GALNT13: variants seen among roughly 807,000 people sequenced by gnomAD.
The protein encoded by GALNT13 is polypeptide N-acetylgalactosaminyltransferase 13.
In GALNT13, 28 loss-of-function variants were observed where a neutral mutation model predicts 64.2. The observed-to-expected ratio is 0.44, with a 90% CI of 0.32 to 0.60. The LOEUF (loss-of-function observed/expected upper bound fraction) is 0.60, where lower values mean the gene tolerates loss of function less well. GALNT13 is among the 20% of genes least tolerant of loss of function. The pLI is 0.05. For synonymous variants in GALNT13, 214 were observed against 224.6 expected (o/e 0.95, Z 0.42); for missense variants, 577 against 669.8 (o/e 0.86, Z 1.53).
At chr2:153,119,231 A>G in the GALNT13 span, among the ~76,000 whole-genome samples, 1 of 152,108 alleles carries the variant, frequency 6.6e-6, no homozygotes, top group East Asian at 1.9e-4. Flanking sequence ...ATGAACTAAT[A>G]CATAAGTGCA....
chr2:153,710,494 T>G, the GALNT13 span, among the ~76,000 whole-genome samples: 1 of 152,130 alleles, frequency 6.6e-6, no homozygotes, highest in African/African-American at 2.4e-5. Context: ...CAGAAGTTCT[T>G]GAACCACATG....
At chr2:153,462,130 A>G in the GALNT13 span, among the ~76,000 whole-genome samples, 51 of 151,902 alleles carry the variant, frequency 3.4e-4, 1 homozygote, top group Admixed American at 3.2e-3. Context: ...AGAAGCTTGT[A>G]TGTTACAGTG....
At chr2:153,635,441 C>CATATATATATGTATATATATATAT in the GALNT13 span, among the ~76,000 whole-genome samples, 3,890 of 126,742 alleles carry the variant, frequency 0.031, 142 homozygotes, top group Non-Finnish European at 0.043. Flanking sequence ...TATATATATA[C>CATATATATATGTATATATATATAT]ACACATATAT....
intron 3 of GALNT13, among the ~76,000 whole-genome samples, chr2:154,002,253 T>C (rs558217850): frequency 1.5e-4 from 23 of 152,254 alleles, no homozygotes; most frequent in African/African-American, 5.5e-4. Context: ...TCTTAAATAA[T>C]CTTTCTAGGC....
intron 7 of GALNT13, among the ~76,000 whole-genome samples, chr2:154,253,282 G>A (rs977942750): frequency 2.6e-5 from 4 of 151,968 alleles, no homozygotes; most frequent in Admixed American, 2.6e-4. Flanking sequence ...CTCTATACAG[G>A]GTGATTATCA....
chr2:153,887,686 T>A (rs1687281148), intron 1 of GALNT13, among the ~76,000 whole-genome samples: 1 of 151,970 alleles, frequency 6.6e-6, no homozygotes, highest in Non-Finnish European at 1.5e-5. Flanking sequence ...ATTTGGGAAT[T>A]TCCAACATCA....
At chr2:153,371,766 C>G in the GALNT13 span, among the ~76,000 whole-genome samples, 4 of 152,120 alleles carry the variant, frequency 2.6e-5, no homozygotes, top group African/African-American at 9.7e-5. Context: ...AATCAAAATT[C>G]TAGCTGGGTT....
At chr2:154,168,557 G>A (rs753530344) in intron 4 of GALNT13, among the ~76,000 whole-genome samples, 7 of 151,778 alleles carry the variant, frequency 4.6e-5, no homozygotes, top group African/African-American at 7.3e-5. Flanking sequence ...AGATTTGGCC[G>A]GGTGTAGTGG....
chr2:153,431,477 C>T, the GALNT13 span, among the ~76,000 whole-genome samples: 1 of 152,146 alleles, frequency 6.6e-6, no homozygotes, highest in Non-Finnish European at 1.5e-5. Flanking sequence ...ATACACTTGG[C>T]TTGATTTAAA....
chr2:154,159,638 G>A (rs1273516159), intron 4 of GALNT13, among the ~76,000 whole-genome samples: 1 of 152,106 alleles, frequency 6.6e-6, no homozygotes, highest in East Asian at 1.9e-4. Flanking sequence ...TGATGAAAGA[G>A]GTATAGATCT....
At chr2:153,867,822 C>G (rs1033719089), upstream of GALNT13, among the ~76,000 whole-genome samples, 1 of 151,904 alleles carries the variant, frequency 6.6e-6, no homozygotes, top group South Asian at 2.1e-4. Context: ...GTTCACACTC[C>G]TAAGAGAATC....
At chr2:153,348,137 T>C in the GALNT13 span, among the ~76,000 whole-genome samples, 1 of 152,198 alleles carries the variant, frequency 6.6e-6, no homozygotes, top group South Asian at 2.1e-4. Context: ...ACTTTGCTTT[T>C]ATAATTTAAT....
chr2:153,328,645 C>T, the GALNT13 span, among the ~76,000 whole-genome samples: 1 of 152,116 alleles, frequency 6.6e-6, no homozygotes, highest in Admixed American at 6.5e-5. Context: ...TAATGGTGGA[C>T]GCCCCTCCCC....
At chr2:153,856,659 A>G in the GALNT13 span, among the ~76,000 whole-genome samples, 2 of 152,188 alleles carry the variant, frequency 1.3e-5, no homozygotes, top group Non-Finnish European at 2.9e-5. Context: ...TAGAATTTCC[A>G]TACACTCTGA....
the GALNT13 span, among the ~76,000 whole-genome samples, chr2:153,664,290 T>C: frequency 6.6e-6 from 1 of 152,168 alleles, no homozygotes; most frequent in Non-Finnish European, 1.5e-5. Context: ...CCAGGGTTAT[T>C]CCTTGCTGGG....
At position 153,878,331 on chromosome 2, in the gene GALNT13, G is replaced by A. The variant is rs189938860; in HGVS notation, c.-177+6028G>A. 7.2e-5 allele frequency among the ~76,000 whole-genome samples: 11 copies of A among 152,094 alleles called. No individual in the cohort carries two copies. In the East Asian group the frequency reaches 1.5e-3, roughly 21 times the overall value. On this transcript the variant is annotated intron_variant, in intron 1 of 12. Transcript: ENST00000392825. ...AAAATTTCATCACAAAAAATTTCCC[G>A]TAGATTGTGCTTGGATGCCCATCTT... is the stretch of plus-strand genomic sequence containing the variant.
Position 153,978,751 on chromosome 2 carries a change from G to A in GALNT13, c.142+34112G>A, listed in dbSNP as rs146050861. On this transcript the variant is annotated intron_variant, in intron 3 of 12. Coordinates refer to ENST00000392825, the MANE Select transcript of GALNT13 (RefSeq NM_052917.4). ...TGTCTTTATCAGCAGCATGAAGATG[G>A]ACTAATAAAATATCTTGTTTCTTTA... Among the ~76,000 whole-genome samples the A allele has an allele frequency of 3.1e-3, 468 of 152,172 alleles. 3 individuals carry two copies. Among genetic ancestry groups the A allele is most frequent in the Non-Finnish European group, 5.0e-3 (341 of 68,004 alleles).
At chr2:153,119,136 C>T in the GALNT13 span, among the ~76,000 whole-genome samples, 2 of 152,082 alleles carry the variant, frequency 1.3e-5, no homozygotes, top group African/African-American at 4.8e-5. Context: ...GAGGTCTCTC[C>T]AGTCATGCTG....
intron 9 of GALNT13, among the ~76,000 whole-genome samples, chr2:154,394,005 G>C (rs1005244621): frequency 2.8e-5 from 4 of 144,388 alleles, no homozygotes; most frequent in Non-Finnish European, 6.0e-5. Flanking sequence ...GTGAACCCGG[G>C]AGGCGGAGCT....
Sources: allele counts gnomAD v4.1 joint callset (sites outside exome capture counted in the v4.1 genomes callset), GRCh38; gene constraint gnomAD v4.1.1; transcripts MANE v1.5; gene names NCBI Gene and HGNC (gene_info 2026-07-23, HGNC 2026-07-21).